Variants in POU6F2 observed in about 807,000 individuals in gnomAD.
POU6F2 encodes POU domain, class 6, transcription factor 2.
In POU6F2, 31 loss-of-function variants were observed where a neutral mutation model predicts 71.3. That is an observed-to-expected ratio of 0.43 (90% CI 0.33 to 0.59). The LOEUF is 0.59. POU6F2 is among the 20% of genes least tolerant of loss of function. The probability of loss-of-function intolerance (pLI) is 0.04; values close to 1 mark genes in which losing one functional copy is unlikely to be tolerated. For synonymous variants in POU6F2, 347 were observed against 355.7 expected (o/e 0.98, Z 0.27); for missense variants, 783 against 856.8 (o/e 0.91, Z 1.07).
chr7:39,339,434 G>C (rs2115613103), intron 4 of POU6F2, among the ~76,000 whole-genome samples: 1 of 152,202 alleles, frequency 6.6e-6, no homozygotes, highest in South Asian at 2.1e-4. Flanking sequence ...GTTATATGCT[G>C]GTCCTCCAGA....
chr7:39,333,652 C>T (rs554646186), intron 4 of POU6F2, among the ~76,000 whole-genome samples: 91 of 152,248 alleles, frequency 6.0e-4, no homozygotes, highest in African/African-American at 2.0e-3. Flanking sequence ...GCAGGAGAAT[C>T]GCTTGAACCT....
chr7:39,374,585 A>G (rs1461973967), intron 5 of POU6F2, among the ~76,000 whole-genome samples: 2 of 152,238 alleles, frequency 1.3e-5, no homozygotes, highest in African/African-American at 4.8e-5. Context: ...AAGTCAGCAT[A>G]GAGATCCAGA....
At chr7:39,112,785 T>C (rs1051643604) in intron 2 of POU6F2, among the ~76,000 whole-genome samples, 1 of 152,160 alleles carries the variant, frequency 6.6e-6, no homozygotes, top group African/African-American at 2.4e-5. Context: ...ATATAATAAC[T>C]GTGTGCTGAA....
At position 39,301,648 on chromosome 7, in the gene POU6F2, G is replaced by A. The variant is rs535394463; in HGVS notation, c.599-37994G>A. On this transcript the variant is annotated intron_variant, in intron 4 of 9. Transcript: ENST00000518318. ...CCCTTATTCCATCAGTCATTGCCCT[G>A]ACAGTCTGTCCCTCTATGCCCTTAT... Among the ~76,000 whole-genome samples, 272 of 152,282 alleles carry A rather than the reference G, an allele frequency of 1.8e-3. 3 individuals are homozygous for A. Among genetic ancestry groups the A allele is most frequent in the African/African-American group, 5.7e-3 (237 of 41,550 alleles).
chr7:39,303,178 A>G (rs757639023), intron 4 of POU6F2, among the ~76,000 whole-genome samples: 12 of 151,696 alleles, frequency 7.9e-5, no homozygotes, highest in Non-Finnish European at 1.6e-4. Flanking sequence ...TTTTTTTGAG[A>G]CGGAGTCTCG....
chr7:39,215,890 C>T (rs1207755318), intron 4 of POU6F2, among the ~76,000 whole-genome samples: 2 of 152,238 alleles, frequency 1.3e-5, no homozygotes, highest in Non-Finnish European at 2.9e-5. Context: ...TTGTTGATTT[C>T]ATATTACATA....
chr7:39,015,546 T>C (rs1584500038), intron 1 of POU6F2, among the ~76,000 whole-genome samples: 1 of 64,596 alleles, frequency 1.5e-5, no homozygotes, highest in Admixed American at 2.1e-4. Flanking sequence ...TAGATATATC[T>C]ATGTTTTATA....
chr7:39,437,308 T>G lies in POU6F2; in HGVS notation c.1320+4025T>G, dbSNP rs180674508. Among the ~76,000 whole-genome samples, 184 of 152,354 alleles carry G rather than the reference T, an allele frequency of 1.2e-3. 1 individual carries two copies. Among genetic ancestry groups the G allele is most frequent in the African/African-American group, 4.2e-3 (176 of 41,588 alleles). ...CTGCCTCAATTTCAGAACTTGTTATTGGTCTATTCAGGGATTTGACTTCTT... is the reference window on the plus strand; with the variant it reads ...CTGCCTCAATTTCAGAACTTGTTATGGGTCTATTCAGGGATTTGACTTCTT... On this transcript the variant is annotated intron_variant, in intron 7 of 9. Coordinates refer to ENST00000518318, the MANE Select transcript of POU6F2 (RefSeq NM_001370959.1).
chr7:39,379,647 G>A (rs918479762), intron 5 of POU6F2, among the ~76,000 whole-genome samples: 6 of 152,070 alleles, frequency 3.9e-5, no homozygotes, highest in African/African-American at 7.2e-5. Context: ...TACAAGCTCC[G>A]CTATTTTCCA....
chr7:39,240,007 C>A (rs1783692571), intron 4 of POU6F2, among the ~76,000 whole-genome samples: 1 of 152,120 alleles, frequency 6.6e-6, no homozygotes, highest in Admixed American at 6.6e-5. Flanking sequence ...TGATGAGAAA[C>A]TGCTAAGTAT....
intron 6 of POU6F2, among the ~76,000 whole-genome samples, chr7:39,412,175 C>T (rs1245132198): frequency 6.6e-6 from 1 of 152,160 alleles, no homozygotes; most frequent in Non-Finnish European, 1.5e-5. Flanking sequence ...AGGCTTCTCA[C>T]ATATATTTGT....
intron 4 of POU6F2, among the ~76,000 whole-genome samples, chr7:39,305,945 T>C (rs1785039688): frequency 6.6e-6 from 1 of 152,202 alleles, no homozygotes; most frequent in Admixed American, 6.5e-5. Context: ...CACTCTGAAA[T>C]ATGACTCAAT....
At chr7:39,377,794 G>A (rs949544720) in intron 5 of POU6F2, among the ~76,000 whole-genome samples, 13 of 152,232 alleles carry the variant, frequency 8.5e-5, no homozygotes, top group South Asian at 2.1e-4. Flanking sequence ...TTGCAGAAAG[G>A]TAAAGAGTTG....
intron 2 of POU6F2, among the ~76,000 whole-genome samples, chr7:39,170,882 TTTAC>T (rs1476072718): frequency 6.6e-6 from 1 of 151,952 alleles, no homozygotes; most frequent in Non-Finnish European, 1.5e-5. Context: ...CTTTTATTCC[TTTAC>T]TTTCTTAATA....
intron 1 of POU6F2, among the ~76,000 whole-genome samples, chr7:39,062,095 G>A (rs1306765699): frequency 1.3e-5 from 2 of 152,114 alleles, no homozygotes; most frequent in Non-Finnish European, 2.9e-5. Context: ...TAATCTTAGT[G>A]TGAGTTCATG....
At chr7:39,423,665 A>T (rs530901792) in intron 6 of POU6F2, among the ~76,000 whole-genome samples, 1 of 152,368 alleles carries the variant, frequency 6.6e-6, no homozygotes, top group East Asian at 1.9e-4. Context: ...CCAAGCTTAT[A>T]TACTTAAAGC....
chr7:39,186,306 T>C (rs140148235), intron 2 of POU6F2, among the ~76,000 whole-genome samples: 1 of 152,036 alleles, frequency 6.6e-6, no homozygotes, highest in Non-Finnish European at 1.5e-5. Context: ...GGAGTGCAGG[T>C]AGATAAATGA....
At chr7:39,305,410 T>C (rs1785030411) in intron 4 of POU6F2, among the ~76,000 whole-genome samples, 1 of 152,250 alleles carries the variant, frequency 6.6e-6, no homozygotes, top group Admixed American at 6.5e-5. Context: ...TGCCTTCTTA[T>C]AACTCTTAAA....
At chr7:39,116,406 A>C (rs879380825) in intron 2 of POU6F2, among the ~76,000 whole-genome samples, 2 of 152,108 alleles carry the variant, frequency 1.3e-5, no homozygotes, top group Admixed American at 1.3e-4. Context: ...ATCATGAAGC[A>C]AGTTATCATT....
Sources: gnomAD v4.1 joint callset for allele counts (sites outside exome capture counted in the v4.1 genomes callset) on GRCh38, gnomAD v4.1.1 for gene constraint, MANE v1.5 for transcripts, NCBI Gene and HGNC (gene_info 2026-07-23, HGNC 2026-07-21) for gene names.